Variants in PPP6C observed in about 807,000 individuals in gnomAD.
PPP6C encodes the protein protein phosphatase 6 catalytic subunit.
PPP6C carries 11 observed loss-of-function variants against 39.8 expected under a neutral mutation model. The ratio of observed to expected loss-of-function variants is 0.28; its 90% CI spans 0.17 to 0.46. PPP6C has a LOEUF of 0.46. Ranked by LOEUF, PPP6C falls within the 20% of genes least tolerant of loss-of-function variation. The pLI, the probability that PPP6C is intolerant of heterozygous loss-of-function variation, is 1.00. For missense variants in PPP6C, 211 were observed against 373.9 expected (o/e 0.56, Z 3.59); for synonymous variants, 129 against 130.3 (o/e 0.99, Z 0.07).
chr9:125,189,442 C>T, intron 1 of PPP6C: 1 of 1,386,730 alleles, frequency 7.2e-7, no homozygotes, highest in Non-Finnish European at 9.5e-7. Flanking sequence ...CTCGGGATCC[C>T]CACTGAGGCA....
chr9:125,174,018 C>A (rs2131332903), intron 1 of PPP6C, among the ~76,000 whole-genome samples: 1 of 152,284 alleles, frequency 6.6e-6, no homozygotes, highest in Admixed American at 6.5e-5. Flanking sequence ...GCATATGATT[C>A]TCACACCAAC....
At chr9:125,151,289 G>A in intron 6 of PPP6C, 1 of 1,492,082 alleles carries the variant, frequency 6.7e-7, no homozygotes, top group South Asian at 1.1e-5. Context: ...GGCCATCCTT[G>A]CGGATGACAT....
intron 4 of PPP6C, among the ~76,000 whole-genome samples, chr9:125,157,257 A>G (rs111648007): frequency 0.033 from 4,989 of 151,832 alleles, 241 homozygotes; most frequent in African/African-American, 0.11. Context: ...CTGGGATTAC[A>G]GGGGTGAGCC....
intron 1 of PPP6C, 143 bp from the exon 2 acceptor site, chr9:125,171,323 G>T: frequency 1.7e-6 from 1 of 597,408 alleles, no homozygotes; most frequent in Non-Finnish European, 2.7e-6. Context: ...GATAATTCGG[G>T]GGTTGGATTT....
At chr9:125,165,138 C>T (rs759016129) in intron 2 of PPP6C, among the ~76,000 whole-genome samples, 13 of 152,052 alleles carry the variant, frequency 8.5e-5, no homozygotes, top group Non-Finnish European at 1.6e-4. Context: ...ATCTTAAAAA[C>T]CAGAGGTCCT....
At chr9:125,151,364 G>A in intron 6 of PPP6C, 1 of 1,187,480 alleles carries the variant, frequency 8.4e-7, no homozygotes, top group African/African-American at 1.5e-5. Flanking sequence ...AGTCACCAAA[G>A]TTTATGCTAT....
At chr9:125,160,743 G>A (rs1225383455) in intron 3 of PPP6C, 98 bp downstream of exon 3, 2 of 826,888 alleles carry the variant, frequency 2.4e-6, no homozygotes, top group Middle Eastern at 3.0e-4. Context: ...CTGAAATAGG[G>A]ACTGTCACAT....
intron 3 of PPP6C, among the ~76,000 whole-genome samples, chr9:125,159,130 C>T (rs904875066): frequency 6.6e-6 from 1 of 150,698 alleles, no homozygotes; most frequent in Admixed American, 6.7e-5. Context: ...CCTCCCCTTC[C>T]TGGATTCAAG....
intron 2 of PPP6C, among the ~76,000 whole-genome samples, chr9:125,165,788 T>A (rs1441076161): frequency 7.4e-6 from 1 of 134,976 alleles, no homozygotes; most frequent in Non-Finnish European, 1.6e-5. Flanking sequence ...ATAACAGTAA[T>A]CTTTTGCTTT....
chr9:125,167,409 A>AAAAAAAAAC (rs1387479218), intron 2 of PPP6C, among the ~76,000 whole-genome samples: 1 of 149,620 alleles, frequency 6.7e-6, no homozygotes. Context: ...AGAAATAAAA[A>AAAAAAAAAC]AAAGGCCGGG....
intron 1 of PPP6C, among the ~76,000 whole-genome samples, chr9:125,180,456 CTT>C (rs559725831): frequency 5.9e-4 from 90 of 152,236 alleles, no homozygotes; most frequent in Middle Eastern, 6.8e-3. Context: ...GAGTTTCGCT[CTT>C]GTCACCCAGG....
intron 1 of PPP6C, among the ~76,000 whole-genome samples, chr9:125,183,483 C>A (rs1274095024): frequency 6.6e-6 from 1 of 152,120 alleles, no homozygotes; most frequent in Non-Finnish European, 1.5e-5. Context: ...ACATTTTAAA[C>A]AGTATCACGA....
intron 1 of PPP6C, among the ~76,000 whole-genome samples, chr9:125,180,165 C>G (rs1490637673): frequency 1.3e-5 from 2 of 152,104 alleles, no homozygotes; most frequent in Admixed American, 1.3e-4. Context: ...CCCCACAGCC[C>G]TATGTATTAC....
intron 1 of PPP6C, chr9:125,172,038 G>A (rs1027718204): frequency 4.4e-6 from 2 of 451,024 alleles, no homozygotes; most frequent in Non-Finnish European, 9.0e-6. Context: ...TGAGTGAATG[G>A]TTAAACACAT....
intron 4 of PPP6C, among the ~76,000 whole-genome samples, chr9:125,154,274 G>C (rs1329571041): frequency 1.3e-5 from 2 of 152,190 alleles, no homozygotes; most frequent in Non-Finnish European, 2.9e-5. Context: ...CATAAACCTA[G>C]ATGGTCTAGC....
chr9:125,150,433 T>A (rs1010934), intron 6 of PPP6C, among the ~76,000 whole-genome samples: 2,957 of 151,938 alleles, frequency 0.019, 95 homozygotes, highest in African/African-American at 0.066. Flanking sequence ...TGTGTGTGTG[T>A]GTGTGTGTGT....
chr9:125,171,468 C>CATATAT (rs556223259), intron 1 of PPP6C, among the ~76,000 whole-genome samples: 4 of 71,550 alleles, frequency 5.6e-5, no homozygotes, highest in East Asian at 3.7e-4. Context: ...TATACACACA[C>CATATAT]ACACACACAC....
chr9:125,172,986 T>G (rs1179422850), intron 1 of PPP6C, among the ~76,000 whole-genome samples: 1 of 152,120 alleles, frequency 6.6e-6, no homozygotes, highest in East Asian at 1.9e-4. Flanking sequence ...AATCTAAAAC[T>G]GAGGAGCCAG....
chr9:125,151,429 C>A, intron 6 of PPP6C: 1 of 848,562 alleles, frequency 1.2e-6, no homozygotes, highest in Non-Finnish European at 2.1e-6. Flanking sequence ...ACAACGCATG[C>A]TTTAAAGCAG....
Sources: gnomAD v4.1 joint callset for allele counts (sites outside exome capture counted in the v4.1 genomes callset) on GRCh38, gnomAD v4.1.1 for gene constraint, MANE v1.5 for transcripts, NCBI Gene and HGNC (gene_info 2026-07-23, HGNC 2026-07-21) for gene names.